Variants in PRKN observed in about 807,000 individuals in gnomAD.
PRKN encodes E3 ubiquitin-protein ligase parkin.
PRKN carries 56 observed loss-of-function variants against 59.5 expected under a neutral mutation model. The ratio of observed to expected loss-of-function variants is 0.94; its 90% confidence interval spans 0.76 to 1.18. PRKN has a LOEUF of 1.18. Among genes scored for constraint, PRKN ranks in the 50% most tolerant of loss-of-function variants. The pLI, the probability that PRKN is intolerant of heterozygous loss-of-function variation, is 0.00. For missense variants in PRKN, 657 were observed against 596.4 expected (o/e 1.10, Z -1.06); for synonymous variants, 250 against 222.1 (o/e 1.13, Z -1.12).
chr6:162,588,266 C>T (rs192637830), intron 1 of PRKN, among the ~76,000 whole-genome samples: 184 of 152,088 alleles, frequency 1.2e-3, no homozygotes, highest in African/African-American at 4.1e-3. Context: ...CTGCCTCAGC[C>T]TCCCAGAGTG....
chr6:162,238,691 T>C (rs965157497), intron 3 of PRKN, among the ~76,000 whole-genome samples: 2 of 152,210 alleles, frequency 1.3e-5, no homozygotes, highest in Non-Finnish European at 1.5e-5. Context: ...TCTGCTGCAT[T>C]GGTTGTGACC....
intron 1 of PRKN, among the ~76,000 whole-genome samples, chr6:162,709,032 G>C (rs918685347): frequency 1.3e-5 from 2 of 152,128 alleles, no homozygotes; most frequent in Non-Finnish European, 2.9e-5. Context: ...CTGCATGTGA[G>C]GGATCTAGGC....
At chr6:162,710,744 A>G (rs1778506423) in intron 1 of PRKN, among the ~76,000 whole-genome samples, 1 of 152,112 alleles carries the variant, frequency 6.6e-6, no homozygotes, top group Non-Finnish European at 1.5e-5. Flanking sequence ...CACCTGTTTG[A>G]TGGAGCTACA....
At chr6:162,567,127 T>C (rs963028879) in intron 1 of PRKN, among the ~76,000 whole-genome samples, 2 of 151,944 alleles carry the variant, frequency 1.3e-5, no homozygotes, top group Admixed American at 1.3e-4. Context: ...ATGGCTTTTA[T>C]TAAAAGCCAT....
intron 9 of PRKN, among the ~76,000 whole-genome samples, chr6:161,512,295 C>A (rs1778421203): frequency 6.8e-6 from 1 of 146,722 alleles, no homozygotes; most frequent in Admixed American, 6.8e-5. Context: ...GGAAATGACC[C>A]CCCCCTGAAA....
At chr6:161,559,007 A>G (rs1780350250) in intron 8 of PRKN, among the ~76,000 whole-genome samples, 2 of 143,018 alleles carry the variant, frequency 1.4e-5, no homozygotes, top group Middle Eastern at 3.8e-3. Flanking sequence ...AACTATCAAG[A>G]TGGCTGAAAT....
At chr6:161,594,226 T>G (rs1479758064) in intron 7 of PRKN, among the ~76,000 whole-genome samples, 2 of 152,116 alleles carry the variant, frequency 1.3e-5, no homozygotes, top group East Asian at 3.9e-4. Context: ...ACAAATCAAT[T>G]TAACACTCTT....
chr6:161,926,925 C>T (rs528777089), intron 6 of PRKN, among the ~76,000 whole-genome samples: 36 of 152,096 alleles, frequency 2.4e-4, no homozygotes, highest in Non-Finnish European at 4.9e-4. Flanking sequence ...GAGAAAATCC[C>T]TCTAAATTTT....
intron 7 of PRKN, among the ~76,000 whole-genome samples, chr6:161,703,833 CTCTCTCTTTTTTTTT>C (rs1410470205): frequency 6.3e-5 from 8 of 127,582 alleles, no homozygotes; most frequent in African/African-American, 2.6e-4. Context: ...CTCTCTCTCT[CTCTCTCTTTTTTTTT>C]TTTTTTTTTT....
intron 7 of PRKN, among the ~76,000 whole-genome samples, chr6:161,771,335 G>A (rs375154924): frequency 3.5e-5 from 5 of 142,404 alleles, no homozygotes; most frequent in Admixed American, 7.3e-5. Context: ...CAGCTTGGGC[G>A]ACAGAACAAG....
chr6:161,817,005 C>T (rs968969006), intron 6 of PRKN, among the ~76,000 whole-genome samples: 10 of 152,098 alleles, frequency 6.6e-5, no homozygotes, highest in East Asian at 1.9e-4. Flanking sequence ...TACACACACA[C>T]GCACATGCAC....
At chr6:162,111,955 A>G (rs1780457320) in intron 4 of PRKN, among the ~76,000 whole-genome samples, 1 of 152,172 alleles carries the variant, frequency 6.6e-6, no homozygotes, top group African/African-American at 2.4e-5. Flanking sequence ...AGATACAGAG[A>G]ATCAAAATGC....
chr6:162,438,332 G>A (rs1428949382), intron 2 of PRKN, among the ~76,000 whole-genome samples: 2 of 152,060 alleles, frequency 1.3e-5, no homozygotes, highest in Non-Finnish European at 2.9e-5. Context: ...AAACTCAAGA[G>A]GAGAAAAACA....
At chr6:162,708,754 A>C (rs1778422242) in intron 1 of PRKN, among the ~76,000 whole-genome samples, 1 of 152,212 alleles carries the variant, frequency 6.6e-6, no homozygotes, top group Non-Finnish European at 1.5e-5. Context: ...ATAGAGTCAG[A>C]GACCTAAAGA....
chr6:161,994,254 AG>A (rs1743238084), intron 5 of PRKN, among the ~76,000 whole-genome samples: 2 of 151,884 alleles, frequency 1.3e-5, no homozygotes, highest in Admixed American at 1.3e-4. Context: ...AAAAAAAAAA[AG>A]AAAGTGAAGG....
intron 4 of PRKN, among the ~76,000 whole-genome samples, chr6:162,101,878 G>A (rs893732486): frequency 2.0e-5 from 3 of 152,068 alleles, no homozygotes; most frequent in Non-Finnish European, 4.4e-5. Context: ...ACTTTACTGT[G>A]TATTTCCTAA....
chr6:161,641,099 C>T lies in PRKN; in HGVS notation c.872-71683G>A, dbSNP rs118147801. Among the ~76,000 whole-genome samples, 1,319 of 152,320 alleles carry T rather than the reference C, an allele frequency of 8.7e-3. 11 individuals are homozygous for T. Among genetic ancestry groups the T allele is most frequent in the Non-Finnish European group, 0.014 (952 of 68,026 alleles). ...CATTCCCGGGCATAGGACAAACTGACTTTGGGAGAAACTTAGTTGATAAAA... is the reference window on the plus strand; with the variant it reads ...CATTCCCGGGCATAGGACAAACTGATTTTGGGAGAAACTTAGTTGATAAAA... On this transcript the variant is annotated intron_variant, in intron 7 of 11. Transcript: ENST00000366898.
intron 7 of PRKN, among the ~76,000 whole-genome samples, chr6:161,569,912 C>T (rs977398385): frequency 3.3e-4 from 50 of 151,902 alleles, no homozygotes; most frequent in African/African-American, 1.2e-3. Context: ...GCTCAGCTGG[C>T]GGTTAGTACC....
intron 2 of PRKN, among the ~76,000 whole-genome samples, chr6:162,438,473 G>A (rs1030672249): frequency 1.3e-5 from 2 of 151,140 alleles, no homozygotes; most frequent in African/African-American, 4.9e-5. Context: ...AGGTCTGCTG[G>A]TGACAAATTC....
Sources: gnomAD v4.1 joint callset for allele counts (sites outside exome capture counted in the v4.1 genomes callset) on GRCh38, gnomAD v4.1.1 for gene constraint, MANE v1.5 for transcripts, NCBI Gene and HGNC (gene_info 2026-07-23, HGNC 2026-07-21) for gene names.